The following DNAJA3 variants were observed in gnomAD, a reference collection of about 807,000 sequenced individuals.
DNAJA3 encodes the protein dnaJ homolog subfamily A member 3, mitochondrial.
A neutral mutation model predicts 54.9 loss-of-function variants in DNAJA3; 29 were observed. The observed-to-expected ratio is 0.53, with a 90% confidence interval of 0.39 to 0.72. DNAJA3 has a LOEUF of 0.72. DNAJA3 is among the 30% of genes least tolerant of loss of function. DNAJA3 has a pLI of 0.00. For synonymous variants in DNAJA3, 302 were observed against 251.4 expected, an observed-to-expected ratio of 1.20 and a Z score of -1.90; for missense variants, 708 against 639.4, an observed-to-expected ratio of 1.11 and a Z score of -1.16.
intron 3 of DNAJA3, among the ~76,000 whole-genome samples, chr16:4,438,402 C>T (rs1219293721): frequency 6.6e-6 from 1 of 152,104 alleles, no homozygotes; most frequent in South Asian, 2.1e-4. Flanking sequence ...TTTGGGAATT[C>T]ACAGTTGGAT....
intron 10 of DNAJA3, among the ~76,000 whole-genome samples, chr16:4,453,449 T>C (rs1379836539): frequency 6.6e-6 from 1 of 151,816 alleles, no homozygotes; most frequent in Non-Finnish European, 1.5e-5. Flanking sequence ...TTTTTTTTCT[T>C]TTTTTGGAGA....
At position 4,434,490 on chromosome 16, in the gene DNAJA3, G is replaced by C. The variant is rs2056747706; in HGVS notation, c.318G>C (p.Gln106His). The change falls in exon 2 of 12, where the codon CAG becomes CAC. Residue 106 changes from glutamine to histidine, a missense_variant. Transcript: ENST00000262375. Reference sequence around the variant, plus strand: ...TAGGAGTGCCTCGAAATGCCAGCCAGAAAGAGATCAAGAAAGCCTATTATC... The same window carrying C: ...TAGGAGTGCCTCGAAATGCCAGCCACAAAGAGATCAAGAAAGCCTATTATC... ...QILGVPRNAS[Q>H]KEIKKAYYQL... 1.9e-6 allele frequency: 3 copies of C among 1,613,218 alleles called. No individual in the cohort carries two copies. The African/African-American group carries it at 4.0e-5, about 22-fold the overall frequency.
rs77737645 is a variant in DNAJA3 at position 4,443,987 on chromosome 16, G to A, written c.932-677G>A. Among the ~76,000 whole-genome samples, 401 of 152,224 alleles carry A rather than the reference G, an allele frequency of 2.6e-3. 20 individuals are homozygous for A. The East Asian group carries it at 0.069, about 26-fold the overall frequency. On this transcript the variant is annotated intron_variant, in intron 6 of 11. Transcript: ENST00000262375. The stretch of plus-strand genomic sequence containing the variant: ...AGTCATGAGCCACCGCGCGTGGCCT[G>A]CTTTACTGTTGTTTAGATGTCTGTT...
chr16:4,442,949 T>C (rs1567329866), intron 5 of DNAJA3, 68 bp from the exon 6 acceptor site: 2 of 1,540,730 alleles, frequency 1.3e-6, no homozygotes, highest in Admixed American at 1.8e-5. Context: ...CTTACGCACA[T>C]TGTGGTCCCA....
At chr16:4,450,957 G>A (rs932725995) in intron 10 of DNAJA3, among the ~76,000 whole-genome samples, 3 of 152,216 alleles carry the variant, frequency 2.0e-5, no homozygotes, top group Admixed American at 1.3e-4. Flanking sequence ...CAGTGGAGCC[G>A]CAGTCAGCAG....
intron 3 of DNAJA3, among the ~76,000 whole-genome samples, chr16:4,438,444 C>T (rs1439893905): frequency 1.3e-5 from 2 of 152,132 alleles, no homozygotes; most frequent in Non-Finnish European, 2.9e-5. Flanking sequence ...AATGACATCC[C>T]CTTCCTCCAC....
intron 10 of DNAJA3, among the ~76,000 whole-genome samples, chr16:4,452,670 C>T (rs1256780477): frequency 2.0e-5 from 3 of 152,134 alleles, no homozygotes; most frequent in Admixed American, 6.6e-5. Flanking sequence ...GCACTTTGGG[C>T]GGCTAATGCA....
chr16:4,452,435 C>T (rs888413197), intron 10 of DNAJA3, among the ~76,000 whole-genome samples: 3 of 152,074 alleles, frequency 2.0e-5, no homozygotes, highest in Non-Finnish European at 4.4e-5. Context: ...TACTGGTCAC[C>T]AGTTGATGTT....
intron 2 of DNAJA3, among the ~76,000 whole-genome samples, chr16:4,436,535 T>TA (rs1464446981): frequency 3.3e-5 from 5 of 152,228 alleles, no homozygotes; most frequent in African/African-American, 1.2e-4. Flanking sequence ...CTTCCCTTTT[T>TA]AAAAATTTTT....
chr16:4,454,307 T>C (rs776696492), intron 10 of DNAJA3, among the ~76,000 whole-genome samples: 1 of 152,194 alleles, frequency 6.6e-6, no homozygotes, highest in Non-Finnish European at 1.5e-5. Context: ...GCCAACAGCA[T>C]GGTGGTTGAG....
intron 3 of DNAJA3, among the ~76,000 whole-genome samples, chr16:4,438,316 C>CA (rs200357632): frequency 0.018 from 2,083 of 114,758 alleles, 43 homozygotes; most frequent in African/African-American, 0.058. Flanking sequence ...GACCCCGTCT[C>CA]AAAAAAAAAA....
intron 6 of DNAJA3, 115 bp from the exon 7 acceptor site, chr16:4,444,549 T>TG: frequency 1.2e-6 from 1 of 808,712 alleles, no homozygotes; most frequent in Admixed American, 2.1e-5. Context: ...TTGGCCAGGA[T>TG]GGTCTCGATC....
chr16:4,454,803 G>A lies in DNAJA3; in HGVS notation c.1340-8G>A. The A allele has an allele frequency of 6.2e-7, 1 of 1,607,654 alleles. No homozygotes were observed. ...ATGACGCCAGTTCTTTCTGCTGTTT[G>A]TGCCCAGGTGGCAGCACCATGGATA... On this transcript the variant is annotated splice_polypyrimidine_tract_variant and splice_region_variant and intron_variant, in intron 10 of 11. Transcript: ENST00000262375.
chr16:4,455,671 T>C lies in DNAJA3; in HGVS notation c.*139T>C. On this transcript the variant is annotated 3_prime_UTR_variant, in exon 12 of 12. Transcript: ENST00000262375. ...CACCCGCAGAGCCTCTGGACGGCCT[T>C]GGCAACAGCAAAATCATGGGACAAC... 1 of 1,350,698 alleles carries C rather than the reference T, an allele frequency of 7.4e-7. No homozygotes were observed. Among genetic ancestry groups the C allele is most frequent in the Admixed American group, 2.0e-5 (1 of 49,290 alleles). The allele number at this position is 1,350,698 out of a possible 1,614,324, so 83.7% of individuals were successfully genotyped here. A position where few individuals can be genotyped will look rare whatever the true frequency, so the allele number is the denominator to read the frequency against.
intron 9 of DNAJA3, chr16:4,449,413 T>G (rs2141393068): frequency 6.6e-6 from 1 of 152,264 alleles, no homozygotes; most frequent in South Asian, 2.1e-4. Flanking sequence ...AATCTGTCAC[T>G]GTGTTGCCCA....
At position 4,454,449 on chromosome 16, in the gene DNAJA3, CTGTAAGGAAG is replaced by C. The variant is rs1264799060; in HGVS notation, c.1340-357_1340-348del. 2.6e-5 allele frequency among the ~76,000 whole-genome samples: 4 copies of C among 152,324 alleles called. No individual in the cohort carries two copies. In the East Asian group the frequency reaches 7.7e-4, roughly 29 times the overall value. On this transcript the variant is annotated intron_variant, in intron 10 of 11. Transcript: ENST00000262375. ...TTGTTTTTTCATCTGTGAAATTTGC[CTGTAAGGAAG>C]TGTATGGCCTGGCCTGGGAGGTGCC...
chr16:4,454,773 G>A, intron 10 of DNAJA3, 38 bp from the exon 11 acceptor site: 1 of 1,503,074 alleles, frequency 6.7e-7, no homozygotes, highest in Non-Finnish European at 9.2e-7. Flanking sequence ...TGGAAGTGCA[G>A]GCCCATGACG....
intron 7 of DNAJA3, 35 bp from the exon 8 acceptor site, chr16:4,446,850 CT>C: frequency 6.2e-7 from 1 of 1,611,338 alleles, no homozygotes; most frequent in South Asian, 1.1e-5. Context: ...CTGCAGTGGA[CT>C]TATCTTCACA....
chr16:4,454,913 G>T lies in DNAJA3; in HGVS notation c.1442G>T (p.Ter481LeuextTer12). The change falls in exon 11 of 12, where the codon TGA (stop) becomes TTA (leucine). Residue 481 changes from the stop codon to leucine, a stop_lost. Coordinates refer to ENST00000262375, the MANE Select transcript of DNAJA3 (RefSeq NM_005147.6). The stretch of plus-strand genomic sequence containing the variant: ...AAACTTAAGAAAATGTTTACCTCAT[G>T]ATATCCCAGCCGAGGTAGGAAAACC... ...LSKLKKMFTS[*>L] 6.2e-7 allele frequency: 1 copy of T among 1,611,210 alleles called. No homozygotes were observed. The highest frequency in any genetic ancestry group is 8.5e-7 in the Non-Finnish European group (1 of 1,177,510).
Sources: allele counts gnomAD v4.1 joint callset (sites outside exome capture counted in the v4.1 genomes callset), GRCh38; gene constraint gnomAD v4.1.1; transcripts MANE v1.5; gene names NCBI Gene and HGNC (gene_info 2026-07-23, HGNC 2026-07-21).